Variants in CCNK observed in about 807,000 individuals in gnomAD.
CCNK encodes the protein cyclin K.
CCNK carries 9 observed loss-of-function variants against 65.0 expected under a neutral mutation model. The ratio of observed to expected loss-of-function variants is 0.14; its 90% CI spans 0.08 to 0.24. The LOEUF is 0.24. Among genes scored for constraint, CCNK ranks in the 10% least tolerant of loss-of-function variants. The pLI, the probability that CCNK is intolerant of heterozygous loss-of-function variation, is 1.00. For synonymous variants in CCNK, 279 were observed against 270.8 expected, an observed-to-expected ratio of 1.03 and a Z score of -0.30; for missense variants, 474 against 720.0, an observed-to-expected ratio of 0.66 and a Z score of 3.91.
chr14:99,488,073 A>G (rs1203181619), intron 1 of CCNK, among the ~76,000 whole-genome samples: 2 of 152,282 alleles, frequency 1.3e-5, no homozygotes, highest in Admixed American at 6.5e-5. Context: ...TAGCTGAACC[A>G]TTTGAAAGTA....
chr14:99,499,007 A>G (rs970057854), intron 4 of CCNK, among the ~76,000 whole-genome samples: 1 of 152,218 alleles, frequency 6.6e-6, no homozygotes, highest in African/African-American at 2.4e-5. Context: ...TCTGGGAAGC[A>G]GGTGGTGACA....
chr14:99,487,368 G>T (rs1393200218), intron 1 of CCNK, among the ~76,000 whole-genome samples: 1 of 152,162 alleles, frequency 6.6e-6, no homozygotes, highest in African/African-American at 2.4e-5. Context: ...TCTGTGCACT[G>T]AGGACATTCA....
chr14:99,501,056 G>C (rs1000907875), intron 5 of CCNK, 185 bp downstream of exon 5: 1 of 605,892 alleles, frequency 1.7e-6, no homozygotes, highest in African/African-American at 1.9e-5. Context: ...TGTATAAACA[G>C]GCTCTGTCAT....
intron 4 of CCNK, among the ~76,000 whole-genome samples, chr14:99,499,526 G>A (rs1431507318): frequency 6.6e-6 from 1 of 152,210 alleles, no homozygotes; most frequent in Non-Finnish European, 1.5e-5. Context: ...GTGGGTCTCT[G>A]CACCTGTTGA....
chr14:99,490,838 G>A (rs934719758), intron 1 of CCNK, among the ~76,000 whole-genome samples: 5 of 150,816 alleles, frequency 3.3e-5, no homozygotes, highest in Admixed American at 6.6e-5. Flanking sequence ...TGAGGCAGGA[G>A]AATGGCGTAA....
At chr14:99,489,780 A>G (rs1157744538) in intron 1 of CCNK, among the ~76,000 whole-genome samples, 2 of 152,246 alleles carry the variant, frequency 1.3e-5, no homozygotes, top group African/African-American at 4.8e-5. Context: ...GCAGGGAGTC[A>G]AGCTGAAAGA....
intron 4 of CCNK, 103 bp downstream of exon 4, chr14:99,495,732 C>A: frequency 9.5e-7 from 1 of 1,050,430 alleles, no homozygotes; most frequent in Non-Finnish European, 1.3e-6. Flanking sequence ...GTCTGCCAGT[C>A]TCTTGAGTTC....
In CCNK at chr14:99,507,104, T is replaced by C. The variant is rs1566753590; in HGVS notation, c.1074T>C (p.Ile358=). ...CACCACCACCTAAAATCCCCAAAAT[T>C]GAGACCACTCATCCACCGTTGCCTC... ...AEPPPPKIPK[I]ETTHPPLPPA... is the part of the protein sequence containing the mutation. The change falls in exon 10 of 11, where the codon ATT becomes ATC. Residue 358 remains isoleucine, a synonymous_variant. Transcript: ENST00000389879. 6.2e-7 allele frequency: 1 copy of C among 1,612,306 alleles called. No individual in the cohort carries two copies. The highest frequency in any genetic ancestry group is 8.5e-7 in the Non-Finnish European group (1 of 1,178,434).
intron 1 of CCNK, among the ~76,000 whole-genome samples, chr14:99,483,656 A>G (rs1472424485): frequency 1.3e-5 from 2 of 152,266 alleles, no homozygotes; most frequent in African/African-American, 2.4e-5. Flanking sequence ...TATTTAGGAC[A>G]TAGTCTTCCA....
chr14:99,485,972 T>C (rs1052716772), intron 1 of CCNK, among the ~76,000 whole-genome samples: 4 of 152,268 alleles, frequency 2.6e-5, no homozygotes, highest in African/African-American at 7.2e-5. Flanking sequence ...ATTTTATTTA[T>C]ATGTGTATAT....
intron 1 of CCNK, among the ~76,000 whole-genome samples, chr14:99,487,068 C>A (rs569951566): frequency 1.3e-5 from 2 of 152,248 alleles, no homozygotes; most frequent in Admixed American, 1.3e-4. Context: ...AACTGTTAGG[C>A]GTATGTATAT....
rs894958116 is a variant in CCNK at position 99,501,995 on chromosome 14, T to C, written c.576-212T>C. ...GGATGTGCTAGAATTCTTCTGATTC[T>C]TTAAGGAATAGAGAAATTACTAACT... is the stretch of plus-strand genomic sequence containing the variant. On this transcript the variant is annotated intron_variant, in intron 6 of 10. Coordinates refer to ENST00000389879, the MANE Select transcript of CCNK (RefSeq NM_001099402.2). 16 of 453,530 alleles carry C rather than the reference T, an allele frequency of 3.5e-5. No homozygotes were observed. The South Asian group carries it at 4.9e-4, about 14-fold the overall frequency. The allele number at this position is 453,530 out of a possible 1,614,324, so 28.1% of individuals were successfully genotyped here. A position where few individuals can be genotyped will look rare whatever the true frequency, so the allele number is the denominator to read the frequency against.
At chr14:99,498,576 G>C (rs1306272424) in intron 4 of CCNK, among the ~76,000 whole-genome samples, 1 of 152,162 alleles carries the variant, frequency 6.6e-6, no homozygotes, top group Non-Finnish European at 1.5e-5. Context: ...GCTTTTCTCT[G>C]TAATATTCGT....
At chr14:99,496,397 G>T (rs193211770) in intron 4 of CCNK, among the ~76,000 whole-genome samples, 5 of 152,134 alleles carry the variant, frequency 3.3e-5, no homozygotes, top group Non-Finnish European at 7.4e-5. Flanking sequence ...CCAACATAGC[G>T]AAACCCCATC....
chr14:99,508,874 AG>A (rs1172169433), intron 10 of CCNK: 4 of 152,332 alleles, frequency 2.6e-5, no homozygotes, highest in African/African-American at 9.6e-5. Context: ...GACACACAGG[AG>A]GCATTGAAGG....
chr14:99,493,134 G>A, intron 2 of CCNK: 1 of 472,532 alleles, frequency 2.1e-6, no homozygotes, highest in Non-Finnish European at 3.7e-6. Flanking sequence ...TGGGCACAGT[G>A]GCTCATGCCT....
intron 1 of CCNK, among the ~76,000 whole-genome samples, chr14:99,484,908 G>A (rs1896446732): frequency 6.6e-6 from 1 of 152,184 alleles, no homozygotes; most frequent in Non-Finnish European, 1.5e-5. Flanking sequence ...TTCCTGAAAG[G>A]TGCTGCTAAA....
intron 1 of CCNK, among the ~76,000 whole-genome samples, chr14:99,488,653 G>T (rs1896541507): frequency 6.6e-6 from 1 of 152,196 alleles, no homozygotes; most frequent in Non-Finnish European, 1.5e-5. Flanking sequence ...GATGTCAAGT[G>T]TGATCATTTT....
At chr14:99,485,751 T>C (rs1365685494) in intron 1 of CCNK, among the ~76,000 whole-genome samples, 1 of 152,132 alleles carries the variant, frequency 6.6e-6, no homozygotes, top group Non-Finnish European at 1.5e-5. Context: ...TCCCAGCTAC[T>C]CAGGAGGCTG....
Sources: gnomAD v4.1 joint callset for allele counts (sites outside exome capture counted in the v4.1 genomes callset) on GRCh38, gnomAD v4.1.1 for gene constraint, MANE v1.5 for transcripts, NCBI Gene and HGNC (gene_info 2026-07-23, HGNC 2026-07-21) for gene names.